ADH1C: variants seen among roughly 807,000 people sequenced by gnomAD.
The protein encoded by ADH1C is alcohol dehydrogenase 1C.
ADH1C carries 26 observed loss-of-function variants against 35.0 expected under a neutral mutation model. The observed-to-expected ratio is 0.74, with a 90% confidence interval of 0.54 to 1.03. ADH1C has a LOEUF of 1.03. ADH1C is among the 50% of genes least tolerant of loss of function. The pLI, the probability that ADH1C is intolerant of heterozygous loss-of-function variation, is 0.00. For synonymous variants in ADH1C, 170 were observed against 169.3 expected (o/e 1.00, Z -0.03); for missense variants, 413 against 465.4 (o/e 0.89, Z 1.04).
Position 99,345,097 on chromosome 4 carries a change from CA to C in ADH1C, c.348-17del. 1 of 1,614,164 alleles carries C rather than the reference CA, an allele frequency of 6.2e-7. No individual in the cohort carries two copies. The highest frequency in any genetic ancestry group is 1.7e-5 in the Admixed American group (1 of 60,016). The stretch of plus-strand genomic sequence containing the variant: ...ATTGCCTAGACTGGGCAGTGCAATA[CA>C]AAGACACACAAAGGCATGAGACAGG... On this transcript the variant is annotated splice_polypyrimidine_tract_variant and intron_variant, in intron 4 of 8. Transcript: ENST00000515683.
At chr4:99,348,459 T>C (rs1341431018) in intron 1 of ADH1C, among the ~76,000 whole-genome samples, 85 of 151,784 alleles carry the variant, frequency 5.6e-4, no homozygotes, top group Non-Finnish European at 9.6e-4. Flanking sequence ...CATGAACTCA[T>C]CATTTTTTAT....
At chr4:99,338,490 T>A (rs1734336848) in intron 8 of ADH1C, among the ~76,000 whole-genome samples, 1 of 133,078 alleles carries the variant, frequency 7.5e-6, no homozygotes, top group African/African-American at 2.8e-5. Flanking sequence ...GTGAATAGAT[T>A]TGCTAATAAC....
chr4:99,351,420 G>T (rs1734677004), intron 1 of ADH1C, among the ~76,000 whole-genome samples: 1 of 152,284 alleles, frequency 6.6e-6, no homozygotes, highest in South Asian at 2.1e-4. Flanking sequence ...CTAAGTTATT[G>T]ATGTTGCACT....
At chr4:99,344,013 A>T (rs1416791579) in intron 5 of ADH1C, among the ~76,000 whole-genome samples, 1 of 152,230 alleles carries the variant, frequency 6.6e-6, no homozygotes, top group African/African-American at 2.4e-5. Context: ...TACCTTACTT[A>T]GAAAAATACA....
intron 8 of ADH1C, among the ~76,000 whole-genome samples, chr4:99,337,185 G>A (rs576978457): frequency 7.0e-4 from 107 of 152,076 alleles, no homozygotes; most frequent in Non-Finnish European, 8.4e-4. Context: ...AAACAATGAC[G>A]ATAGGAAGTT....
chr4:99,342,742 T>G (rs905256847), intron 6 of ADH1C, 53 bp downstream of exon 6: 64 of 1,611,630 alleles, frequency 4.0e-5, no homozygotes, highest in Admixed American at 3.0e-4. Flanking sequence ...ACTGCCTAAA[T>G]GCATCCTCCA....
chr4:99,345,134 A>G, intron 4 of ADH1C, 45 bp downstream of exon 4: 2 of 1,613,788 alleles, frequency 1.2e-6, no homozygotes, highest in Non-Finnish European at 1.7e-6. Flanking sequence ...ACCATAACTA[A>G]TGTGCAAACT....
intron 1 of ADH1C, among the ~76,000 whole-genome samples, chr4:99,348,485 CATGGTGT>C (rs1341234327): frequency 6.6e-6 from 1 of 150,838 alleles, no homozygotes; most frequent in African/African-American, 2.4e-5. Flanking sequence ...CATAGTATTC[CATGGTGT>C]ATATGTGCCA....
chr4:99,348,122 T>C (rs536098641), intron 1 of ADH1C, among the ~76,000 whole-genome samples: 1 of 132,666 alleles, frequency 7.5e-6, no homozygotes, highest in Admixed American at 7.5e-5. Context: ...ATTTTATTTT[T>C]TTTGAATGTT....
intron 6 of ADH1C, among the ~76,000 whole-genome samples, chr4:99,341,074 G>C (rs1337508169): frequency 6.6e-6 from 1 of 152,116 alleles, no homozygotes; most frequent in Non-Finnish European, 1.5e-5. Flanking sequence ...TTATTACATA[G>C]GTATTTTGAA....
intron 8 of ADH1C, among the ~76,000 whole-genome samples, chr4:99,338,965 T>A (rs1024665667): frequency 2.5e-4 from 38 of 152,060 alleles, no homozygotes; most frequent in Non-Finnish European, 4.7e-4. Flanking sequence ...CTTATTTTTC[T>A]AAGACTTGGA....
chr4:99,339,608 C>T lies in ADH1C; in HGVS notation c.1072G>A (p.Glu358Lys). ...CCAGAGCGAAGCAGGTCAAATCCTTCATTTATTTTTTCAAAAGGTAAAATA... is the reference window on the plus strand; with the variant it reads ...CCAGAGCGAAGCAGGTCAAATCCTTTATTTATTTTTTCAAAAGGTAAAATA... ...TNILPFEKIN[E>K]GFDLLRSGKS... The change falls in exon 8 of 9, where the codon GAA becomes AAA. Residue 358 changes from glutamate to lysine, a missense_variant. Physicochemically the swap from Glu to Lys is moderately conservative, Grantham distance 56. Coordinates refer to ENST00000515683, the MANE Select transcript of ADH1C (RefSeq NM_000669.5). 6.3e-7 allele frequency: 1 copy of T among 1,589,116 alleles called. No homozygotes were observed. The highest frequency in any genetic ancestry group is 2.3e-5 in the East Asian group (1 of 44,134).
intron 3 of ADH1C, among the ~76,000 whole-genome samples, chr4:99,345,481 A>C (rs1734511892): frequency 6.6e-6 from 1 of 152,242 alleles, no homozygotes; most frequent in Non-Finnish European, 1.5e-5. Context: ...AGAAAATACA[A>C]GTGTGGGAAA....
chr4:99,344,353 T>C (rs555472065), intron 5 of ADH1C, among the ~76,000 whole-genome samples: 7 of 152,200 alleles, frequency 4.6e-5, no homozygotes, highest in Non-Finnish European at 8.8e-5. Context: ...TCTTTATTAC[T>C]TTCCGTCTAA....
Position 99,347,108 on chromosome 4 carries a change from C to T in ADH1C, c.157G>A (p.Val53Met), listed in dbSNP as rs761544047. The T allele has an allele frequency of 6.2e-7, 1 of 1,614,098 alleles. No individual in the cohort carries two copies. Among genetic ancestry groups the T allele is most frequent in the Non-Finnish European group, 8.5e-7 (1 of 1,179,986 alleles). Residue 53 changes from valine to methionine, a missense_variant, in exon 3 of 9, where the codon GTG becomes ATG. Transcript: ENST00000515683. ...GGGGTCACCAGGTTGCCACTAACCA[C>T]ATGCTCATCTGAACGACAGATTCCT... ...AAGICRSDEH[V>M]VSGNLVTPLP... is the part of the protein sequence containing the mutation.
chr4:99,338,953 G>A (rs1228893739), intron 8 of ADH1C, among the ~76,000 whole-genome samples: 1 of 151,602 alleles, frequency 6.6e-6, no homozygotes, highest in East Asian at 1.9e-4. Flanking sequence ...AAATAGAATT[G>A]GCTTATTTTT....
intron 1 of ADH1C, 45 bp from the exon 2 acceptor site, chr4:99,347,891 T>A (rs1734575153): frequency 1.2e-6 from 2 of 1,605,686 alleles, no homozygotes; most frequent in Non-Finnish European, 1.7e-6. Flanking sequence ...TTCCCACGCT[T>A]GCAGTCAGAA....
chr4:99,339,534 C>G (rs373306432), intron 8 of ADH1C, 43 bp downstream of exon 8: 2 of 1,165,780 alleles, frequency 1.7e-6, no homozygotes, highest in Non-Finnish European at 2.4e-6. Context: ...CCCGCCGCTA[C>G]TGTAGAATAC....
chr4:99,337,610 T>TATATATACACAGATAAGAAAA (rs1734307071), intron 8 of ADH1C, among the ~76,000 whole-genome samples: 1 of 151,994 alleles, frequency 6.6e-6, no homozygotes, highest in African/African-American at 2.4e-5. Context: ...GGTGTGTGTA[T>TATATATACACAGATAAGAAAA]ATATATACAC....
Sources: gnomAD v4.1 joint callset for allele counts (sites outside exome capture counted in the v4.1 genomes callset) on GRCh38, gnomAD v4.1.1 for gene constraint, MANE v1.5 for transcripts, NCBI Gene and HGNC (gene_info 2026-07-23, HGNC 2026-07-21) for gene names.